Variants in CNST observed in about 807,000 individuals in gnomAD.
CNST encodes consortin, connexin sorting protein, also known as consortin.
Under a neutral mutation model 72.4 loss-of-function variants are expected in CNST, and 39 were observed. The observed-to-expected ratio is 0.54, with a 90% CI of 0.42 to 0.70. CNST has a LOEUF of 0.70. Ranked by LOEUF, CNST falls within the 30% of genes least tolerant of loss-of-function variation. The pLI is 0.00. For missense variants in CNST, 871 were observed against 868.5 expected (o/e 1.00, Z -0.04); for synonymous variants, 332 against 320.1 (o/e 1.04, Z -0.40).
Position 246,668,232 on chromosome 1 carries a change from A to C in CNST, c.*2327A>C, listed in dbSNP as rs1300287216. 1 of 152,202 alleles carries C rather than the reference A, an allele frequency of 6.6e-6. No homozygotes were observed. The highest frequency in any genetic ancestry group is 6.5e-5 in the Admixed American group (1 of 15,286). 9.4% of individuals were successfully genotyped at this position (152,202 alleles called of 1,614,324 possible). On this transcript the variant is annotated 3_prime_UTR_variant, in exon 11 of 11. Coordinates refer to ENST00000366513, the MANE Select transcript of CNST (RefSeq NM_152609.3). ...AATTCATCCAGTTTTACTAAAATGT[A>C]ATTTTTTCTGTCATTTGAAAGTACT...
chr1:246,604,476 G>GTTC (rs1419177468), intron 2 of CNST, among the ~76,000 whole-genome samples: 2 of 151,992 alleles, frequency 1.3e-5, no homozygotes, highest in African/African-American at 2.4e-5. Context: ...TAATGCTTCC[G>GTTC]TTCTTATATG....
intron 2 of CNST, among the ~76,000 whole-genome samples, chr1:246,605,389 C>T (rs971066972): frequency 1.1e-4 from 16 of 152,314 alleles, no homozygotes; most frequent in Admixed American, 8.5e-4. Flanking sequence ...CAGCCTGGGC[C>T]GGGCGCGGTG....
At chr1:246,645,648 C>T (rs1364454744) in intron 8 of CNST, among the ~76,000 whole-genome samples, 2 of 151,602 alleles carry the variant, frequency 1.3e-5, no homozygotes, top group Non-Finnish European at 2.9e-5. Flanking sequence ...AGGATGGTCT[C>T]GATCTCCTGA....
At position 246,591,910 on chromosome 1, in the gene CNST, CA is replaced by C; in HGVS notation, c.354del (p.Thr120LeufsTer17). 1.2e-6 allele frequency: 2 copies of C among 1,605,598 alleles called. No homozygotes were observed. The highest frequency in any genetic ancestry group is 8.5e-7 in the Non-Finnish European group (1 of 1,177,448). On this transcript the variant is annotated frameshift_variant, in exon 2 of 11. Coordinates refer to ENST00000366513, the MANE Select transcript of CNST (RefSeq NM_152609.3). LOFTEE classifies it high-confidence loss of function. ...KIPGKRSPRS[K>X]KGTAKKIPPG... ...TTCCTGGAAAAAGAAGTCCAAGAAGCAAAAAAGGGACTGCTAAGAAGATACC... is the reference window on the plus strand; with the variant it reads ...TTCCTGGAAAAAGAAGTCCAAGAAGCAAAAAGGGACTGCTAAGAAGATACC...
chr1:246,576,170 G>C (rs1262678442), intron 1 of CNST, among the ~76,000 whole-genome samples: 3 of 136,636 alleles, frequency 2.2e-5, no homozygotes, highest in East Asian at 4.3e-4. Context: ...GGGAGGTGGA[G>C]CTTGCAGTGA....
In CNST at chr1:246,588,702, A is replaced by G. The variant is rs544893317; in HGVS notation, c.-51-2810A>G. ...AAAGTATTATTTCAACATACAATCA[A>G]TGTGTAGAATTAATAAATTCTTTTA... On this transcript the variant is annotated intron_variant, in intron 1 of 10. Coordinates refer to ENST00000366513, the MANE Select transcript of CNST (RefSeq NM_152609.3). Among the ~76,000 whole-genome samples the G allele has an allele frequency of 1.5e-4, 23 of 152,308 alleles. No homozygotes were observed. In the South Asian group the frequency reaches 4.8e-3, roughly 32 times the overall value.
intron 2 of CNST, 43 bp downstream of exon 2, chr1:246,591,984 A>C: frequency 6.9e-7 from 1 of 1,455,206 alleles, no homozygotes; most frequent in Non-Finnish European, 9.3e-7. Context: ...TAATTAATTA[A>C]AAATGAACCT....
chr1:246,619,959 G>A (rs544183158), intron 2 of CNST, among the ~76,000 whole-genome samples: 6 of 94,556 alleles, frequency 6.3e-5, no homozygotes, highest in Admixed American at 1.1e-4. Flanking sequence ...GGCTTCAGTC[G>A]TGCATACACA....
chr1:246,603,065 T>C (rs560738839), intron 2 of CNST, among the ~76,000 whole-genome samples: 94 of 152,304 alleles, frequency 6.2e-4, no homozygotes, highest in Non-Finnish European at 1.2e-3. Flanking sequence ...TAATGTGATA[T>C]TTTATGTGAA....
intron 10 of CNST, among the ~76,000 whole-genome samples, chr1:246,663,598 G>A (rs1420841619): frequency 1.3e-5 from 2 of 152,052 alleles, no homozygotes; most frequent in African/African-American, 4.8e-5. Context: ...AAAGTAGCCA[G>A]GCATGATGGC....
At chr1:246,592,846 T>C (rs768291726) in intron 2 of CNST, among the ~76,000 whole-genome samples, 44 of 152,380 alleles carry the variant, frequency 2.9e-4, no homozygotes, top group Non-Finnish European at 5.3e-4. Flanking sequence ...GTATGCAGTT[T>C]GGCAGTTGAA....
intron 8 of CNST, among the ~76,000 whole-genome samples, chr1:246,643,130 G>A (rs971166965): frequency 1.3e-5 from 2 of 151,800 alleles, no homozygotes; most frequent in African/African-American, 2.4e-5. Context: ...GAGCTCAAGC[G>A]ATCCTCTCAC....
chr1:246,661,601 T>A (rs1432621069), intron 10 of CNST, among the ~76,000 whole-genome samples: 10 of 152,246 alleles, frequency 6.6e-5, no homozygotes, highest in Admixed American at 6.5e-4. Context: ...CCTGACTTGG[T>A]CTAACATGAG....
At chr1:246,616,045 G>T (rs1663666883) in intron 2 of CNST, among the ~76,000 whole-genome samples, 1 of 152,186 alleles carries the variant, frequency 6.6e-6, no homozygotes, top group Non-Finnish European at 1.5e-5. Flanking sequence ...TATTTAATGG[G>T]TAGTTTTTAA....
At chr1:246,629,932 A>G (rs1420104483) in intron 3 of CNST, among the ~76,000 whole-genome samples, 1 of 152,184 alleles carries the variant, frequency 6.6e-6, no homozygotes, top group East Asian at 1.9e-4. Flanking sequence ...GTATTTCGCC[A>G]TGTTGGCCAA....
chr1:246,596,598 C>T (rs1661903979), intron 2 of CNST, among the ~76,000 whole-genome samples: 1 of 152,084 alleles, frequency 6.6e-6, no homozygotes, highest in Admixed American at 6.5e-5. Context: ...ATGCAATTCA[C>T]CTACTTAAAA....
Position 246,578,180 on chromosome 1 carries a change from T to C in CNST, c.-52+11517T>C, listed in dbSNP as rs573913329. ...TGGGCACATTCTCCTGCTGCAAGCA[T>C]TCAAGCACTTGAATTCCAGATGGGA... is the stretch of plus-strand genomic sequence containing the variant. On this transcript the variant is annotated intron_variant, in intron 1 of 10. Coordinates refer to ENST00000366513, the MANE Select transcript of CNST (RefSeq NM_152609.3). Among the ~76,000 whole-genome samples the C allele has an allele frequency of 6.6e-5, 10 of 152,210 alleles. No individual in the cohort carries two copies. In the East Asian group the frequency reaches 1.9e-3, roughly 29 times the overall value.
chr1:246,627,776 AG>A (rs969833886), intron 3 of CNST, among the ~76,000 whole-genome samples: 2 of 152,170 alleles, frequency 1.3e-5, no homozygotes, highest in Non-Finnish European at 2.9e-5. Context: ...TCTAGGCTAA[AG>A]TGGTGACAGT....
chr1:246,644,661 G>A (rs1196324909), intron 8 of CNST, among the ~76,000 whole-genome samples: 1 of 152,138 alleles, frequency 6.6e-6, no homozygotes, highest in East Asian at 1.9e-4. Flanking sequence ...CAGCCTTTAG[G>A]TAACTGACCC....
Sources: gnomAD v4.1 joint callset for allele counts (sites outside exome capture counted in the v4.1 genomes callset) on GRCh38, gnomAD v4.1.1 for gene constraint, MANE v1.5 for transcripts, NCBI Gene and HGNC (gene_info 2026-07-23, HGNC 2026-07-21) for gene names.